DCAKD: variants seen among roughly 807,000 people sequenced by gnomAD.
DCAKD encodes dephospho-CoA kinase domain containing, also known as dephospho-CoA kinase domain-containing protein.
A neutral mutation model predicts 18.7 loss-of-function variants in DCAKD; 15 were observed. The ratio of observed to expected loss-of-function variants is 0.80; its 90% confidence interval spans 0.54 to 1.24. The LOEUF is 1.24. Ranked by LOEUF, DCAKD falls within the 50% of genes most tolerant of loss-of-function variation. DCAKD has a pLI of 0.00. For missense variants in DCAKD, 301 were observed against 322.0 expected, an observed-to-expected ratio of 0.93 and a Z score of 0.50; for synonymous variants, 130 against 133.0, an observed-to-expected ratio of 0.98 and a Z score of 0.16.
intron 3 of DCAKD, chr17:45,030,857 A>T (rs543023065): frequency 1.9e-6 from 1 of 527,098 alleles, no homozygotes; most frequent in African/African-American, 2.1e-5. Context: ...TATGCCTAAA[A>T]CTGTATTACA....
chr17:45,058,008 CAAAAAAAAAAAA>C (rs1183133616), intron 1 of DCAKD, among the ~76,000 whole-genome samples: 2 of 28,992 alleles, frequency 6.9e-5, no homozygotes, highest in Non-Finnish European at 7.1e-5. Flanking sequence ...GATTCCGTCT[CAAAAAAAAAAAA>C]AAAAAAAAAA....
intron 3 of DCAKD, among the ~76,000 whole-genome samples, chr17:45,033,453 T>C (rs564610729): frequency 3.7e-4 from 56 of 152,214 alleles, no homozygotes; most frequent in African/African-American, 1.3e-3. Context: ...CTTCCTAACA[T>C]GCTCACGTTG....
upstream of DCAKD, chr17:45,054,005 T>C: frequency 2.0e-6 from 1 of 498,798 alleles, no homozygotes; most frequent in Non-Finnish European, 4.0e-6. Flanking sequence ...GGATTCAGTA[T>C]ATTGAGGAAT....
At chr17:45,035,965 G>C (rs2053287405) in intron 1 of DCAKD, among the ~76,000 whole-genome samples, 1 of 152,204 alleles carries the variant, frequency 6.6e-6, no homozygotes, top group Admixed American at 6.5e-5. Context: ...CACTAAGGCC[G>C]AGGTTTAGAA....
At chr17:45,051,654 TGCAGACCGGACGTCCGGCCA>T (rs1329778382), upstream of DCAKD, 1 of 142,156 alleles carries the variant, frequency 7.0e-6, no homozygotes, top group Admixed American at 7.3e-5. Flanking sequence ...AGCGCGCGCC[TGCAGACCGGACGTCCGGCCA>T]GCAGGCGGGG....
intron 1 of DCAKD, among the ~76,000 whole-genome samples, chr17:45,044,819 C>A (rs1395431695): frequency 1.3e-5 from 2 of 152,220 alleles, no homozygotes; most frequent in Non-Finnish European, 2.9e-5. Flanking sequence ...AAAGAAAGAA[C>A]CACTAATCGC....
chr17:45,028,409 CTT>C (rs545681429), intron 4 of DCAKD, among the ~76,000 whole-genome samples: 12 of 132,752 alleles, frequency 9.0e-5, no homozygotes, highest in Admixed American at 2.3e-4. Context: ...CACACCCGGC[CTT>C]TTTTTTTTTT....
chr17:45,048,818 A>G (rs573199788), intron 1 of DCAKD, among the ~76,000 whole-genome samples: 3 of 150,164 alleles, frequency 2.0e-5, no homozygotes, highest in Non-Finnish European at 4.4e-5. Context: ...TCAAAAAGAA[A>G]GAAAGAACCA....
intron 4 of DCAKD, among the ~76,000 whole-genome samples, chr17:45,027,521 C>T (rs2053079734): frequency 6.6e-6 from 1 of 152,174 alleles, no homozygotes; most frequent in African/African-American, 2.4e-5. Context: ...GTTATACACC[C>T]ACACCCACTG....
intron 1 of DCAKD, among the ~76,000 whole-genome samples, chr17:45,058,498 C>A (rs1477480460): frequency 6.6e-6 from 1 of 151,916 alleles, no homozygotes; most frequent in Non-Finnish European, 1.5e-5. Context: ...TGGCTTACTG[C>A]AACCTCCGCC....
At chr17:45,035,419 T>A (rs2143245326) in intron 1 of DCAKD, among the ~76,000 whole-genome samples, 1 of 146,394 alleles carries the variant, frequency 6.8e-6, no homozygotes, top group African/African-American at 2.5e-5. Flanking sequence ...AGGTGGAGGT[T>A]GCGGTAAGCT....
intron 1 of DCAKD, among the ~76,000 whole-genome samples, chr17:45,045,246 C>T (rs961050086): frequency 2.0e-5 from 3 of 152,184 alleles, no homozygotes; most frequent in Non-Finnish European, 2.9e-5. Context: ...TACAGAGAAA[C>T]TGTCCCCAAA....
chr17:45,043,423 T>C (rs1166895941), intron 1 of DCAKD, among the ~76,000 whole-genome samples: 2 of 152,150 alleles, frequency 1.3e-5, no homozygotes, highest in East Asian at 1.9e-4. Flanking sequence ...TAAGGGTGTA[T>C]GTATGTCCGC....
At chr17:45,026,119 A>G (rs969445968) in intron 4 of DCAKD, among the ~76,000 whole-genome samples, 1 of 150,330 alleles carries the variant, frequency 6.7e-6, no homozygotes, top group African/African-American at 2.5e-5. Context: ...GGATTTCACC[A>G]TGTTGGCCAG....
chr17:45,060,212 C>G (rs565287093), intron 1 of DCAKD, among the ~76,000 whole-genome samples: 2 of 152,274 alleles, frequency 1.3e-5, no homozygotes, highest in East Asian at 3.9e-4. Flanking sequence ...ACTACAGAGT[C>G]TGGCACTTAT....
intron 4 of DCAKD, among the ~76,000 whole-genome samples, chr17:45,027,754 G>A (rs1208859706): frequency 1.3e-5 from 2 of 152,130 alleles, no homozygotes; most frequent in East Asian, 1.9e-4. Flanking sequence ...TTGGGAGGCC[G>A]AGACAGGTAG....
intron 1 of DCAKD, among the ~76,000 whole-genome samples, chr17:45,046,652 T>G (rs2053577752): frequency 6.6e-6 from 1 of 150,438 alleles, no homozygotes; most frequent in Non-Finnish European, 1.5e-5. Flanking sequence ...GCTCTATGTT[T>G]GCCCACGGTA....
At chr17:45,045,721 G>A (rs1315481740) in intron 1 of DCAKD, among the ~76,000 whole-genome samples, 5 of 136,934 alleles carry the variant, frequency 3.7e-5, no homozygotes, top group Non-Finnish European at 7.6e-5. Flanking sequence ...AACAGAGCAA[G>A]ACTCTGTCTC....
At chr17:45,033,920 G>A in intron 3 of DCAKD, 1 of 1,478,644 alleles carries the variant, frequency 6.8e-7, no homozygotes, top group Middle Eastern at 1.8e-4. Context: ...ATCCCTACTA[G>A]AAAAACCAAC....
Sources: gnomAD v4.1 joint callset for allele counts (sites outside exome capture counted in the v4.1 genomes callset) on GRCh38, gnomAD v4.1.1 for gene constraint, MANE v1.5 for transcripts, NCBI Gene and HGNC (gene_info 2026-07-23, HGNC 2026-07-21) for gene names.